EP300: variants seen among roughly 807,000 people sequenced by gnomAD.
EP300 encodes histone acetyltransferase p300.
A neutral mutation model predicts 264.0 loss-of-function variants in EP300; 31 were observed. The observed-to-expected ratio is 0.12, with a 90% CI of 0.09 to 0.16. EP300 has a LOEUF of 0.16. Ranked by LOEUF, EP300 falls within the 10% of genes least tolerant of loss-of-function variation. The probability of loss-of-function intolerance (pLI) is 1.00; values close to 1 mark genes in which losing one functional copy is unlikely to be tolerated. For synonymous variants in EP300, 1,340 were observed against 1,045.4 expected (o/e 1.28, Z -5.44); for missense variants, 2,766 against 3,052.9 (o/e 0.91, Z 2.21).
At chr22:41,104,507 C>T (rs1438414976) in intron 1 of EP300, among the ~76,000 whole-genome samples, 1 of 152,034 alleles carries the variant, frequency 6.6e-6, no homozygotes, top group Non-Finnish European at 1.5e-5. Flanking sequence ...CCAGGCTGAC[C>T]TCGAACTCCT....
intron 2 of EP300, among the ~76,000 whole-genome samples, chr22:41,120,310 C>T (rs900868395): frequency 3.9e-5 from 6 of 152,174 alleles, no homozygotes; most frequent in South Asian, 2.1e-4. Context: ...GTGAGACCCC[C>T]ATCTCTACCA....
chr22:41,104,795 G>A (rs2058749639), intron 1 of EP300, among the ~76,000 whole-genome samples: 1 of 151,254 alleles, frequency 6.6e-6, no homozygotes, highest in African/African-American at 2.4e-5. Context: ...TGAGGCAGGT[G>A]GATTACTTGA....
At chr22:41,139,401 T>C (rs2145724288) in intron 8 of EP300, among the ~76,000 whole-genome samples, 1 of 152,362 alleles carries the variant, frequency 6.6e-6, no homozygotes, top group Middle Eastern at 3.4e-3. Flanking sequence ...TGGACAGAGA[T>C]GATTATTTGG....
intron 10 of EP300, among the ~76,000 whole-genome samples, chr22:41,143,182 G>T (rs2058992599): frequency 6.6e-6 from 1 of 152,194 alleles, no homozygotes; most frequent in African/African-American, 2.4e-5. Flanking sequence ...GGGCATGGTG[G>T]TGGCTCACGC....
At chr22:41,138,028 A>G (rs1357063889) in intron 8 of EP300, among the ~76,000 whole-genome samples, 1 of 152,198 alleles carries the variant, frequency 6.6e-6, no homozygotes, top group Non-Finnish European at 1.5e-5. Flanking sequence ...TATTCTGTCT[A>G]GTGACAGTAA....
At chr22:41,163,934 C>T in intron 21 of EP300, 119 bp from the exon 22 acceptor site, 1 of 944,594 alleles carries the variant, frequency 1.1e-6, no homozygotes, top group Non-Finnish European at 1.7e-6. Flanking sequence ...TTTATTAAAA[C>T]TATTTTCAGT....
chr22:41,166,766 G>T (rs1745616543), intron 23 of EP300, 100 bp downstream of exon 23: 1 of 727,010 alleles, frequency 1.4e-6, no homozygotes, highest in African/African-American at 1.8e-5. Context: ...CACAGTAATA[G>T]AGTAAAAATA....
rs1436689041 is a variant in EP300 at position 41,149,023 on chromosome 22, T to G, written c.2242-15T>G. On this transcript the variant is annotated splice_polypyrimidine_tract_variant and intron_variant, in intron 12 of 30. Transcript: ENST00000263253. Reference sequence around the variant, plus strand: ...ATGAAGCAGTTTGGTGATTTGTGTTTTTTTTTTTTTTCAGCCTATGGGCTA... The same window carrying G: ...ATGAAGCAGTTTGGTGATTTGTGTTGTTTTTTTTTTTCAGCCTATGGGCTA... The G allele has an allele frequency of 1.3e-5, 20 of 1,582,912 alleles. No individual in the cohort carries two copies. The highest frequency in any genetic ancestry group is 5.0e-5 in the Admixed American group (3 of 59,610).
chr22:41,161,542 G>A (rs191312004), intron 20 of EP300, among the ~76,000 whole-genome samples: 1,576 of 152,254 alleles, frequency 0.01, 18 homozygotes, highest in Non-Finnish European at 0.016. Flanking sequence ...GCGTGAACCC[G>A]GGAGGTGGAG....
Position 41,147,866 on chromosome 22 carries a change from G to A in EP300, c.2161G>A (p.Ala721Thr). The A allele has an allele frequency of 6.2e-7, 1 of 1,614,052 alleles. No individual in the cohort carries two copies. The highest frequency in any genetic ancestry group is 8.5e-7 in the Non-Finnish European group (1 of 1,180,000). Residue 721 changes from alanine (A) to threonine (T), a missense_variant, in exon 12 of 31, where the codon GCC becomes ACC. Physicochemically the swap from Ala to Thr is moderately conservative, Grantham distance 58. Coordinates refer to ENST00000263253, the MANE Select transcript of EP300 (RefSeq NM_001429.4). ...GAATCAATTTGGCCAGATGAGCATG[G>A]CCCAGCCCCCTATTGTACCCCGGCA... ...GLNQFGQMSM[A>T]QPPIVPRQTP... is the part of the protein sequence containing the mutation.
At chr22:41,161,255 T>C (rs953701640) in intron 20 of EP300, among the ~76,000 whole-genome samples, 3 of 152,200 alleles carry the variant, frequency 2.0e-5, no homozygotes, top group African/African-American at 7.2e-5. Flanking sequence ...TTGCTTGTGC[T>C]TTGCAGTCTC....
At chr22:41,114,300 G>C (rs1279993710) in intron 1 of EP300, among the ~76,000 whole-genome samples, 1 of 152,138 alleles carries the variant, frequency 6.6e-6, no homozygotes, top group Non-Finnish European at 1.5e-5. Context: ...TCCTTCCTCA[G>C]CCTCCCTAGT....
rs746499882 is a variant in EP300, at chr22:41,178,622, C to T, written c.6911C>T (p.Ser2304Phe). 2 of 1,614,106 alleles carry T rather than the reference C, an allele frequency of 1.2e-6. No homozygotes were observed. Among genetic ancestry groups the T allele is most frequent in the South Asian group, 1.1e-5 (1 of 91,070 alleles). The change falls in exon 31 of 31, where the codon TCC (serine) becomes TTC (phenylalanine). Residue 2304 changes from serine (S) to phenylalanine (F), a missense_variant. Transcript: ENST00000263253. ...LQGQQIPNSL[S>F]NQVRSPQPVP... ...GGCCAGCAGATCCCTAATTCTCTCTCCAATCAAGTGCGCTCTCCCCAGCCT... is the reference window on the plus strand; with the variant it reads ...GGCCAGCAGATCCCTAATTCTCTCTTCAATCAAGTGCGCTCTCCCCAGCCT...
At chr22:41,161,345 T>C (rs917772328) in intron 20 of EP300, among the ~76,000 whole-genome samples, 6 of 152,268 alleles carry the variant, frequency 3.9e-5, no homozygotes, top group South Asian at 4.2e-4. Context: ...TGGCCAGGCG[T>C]GGTGGCTCAT....
chr22:41,103,381 C>T (rs2058742088), intron 1 of EP300, among the ~76,000 whole-genome samples: 1 of 152,082 alleles, frequency 6.6e-6, no homozygotes, highest in African/African-American at 2.4e-5. Flanking sequence ...AATTAAGGTG[C>T]CTTCTGCTGT....
intron 3 of EP300, among the ~76,000 whole-genome samples, chr22:41,126,729 CTTTTTTTTTTTTTT>C (rs71328775): frequency 1.3e-3 from 63 of 48,828 alleles, no homozygotes; most frequent in Admixed American, 3.3e-3. Context: ...GAAATGTTCA[CTTTTTTTTTTTTTT>C]TTTTTTTTTT....
intron 8 of EP300, among the ~76,000 whole-genome samples, chr22:41,138,789 C>T (rs547331500): frequency 6.6e-6 from 1 of 152,270 alleles, no homozygotes; most frequent in South Asian, 2.1e-4. Flanking sequence ...GTCGTCTTTA[C>T]TGTATCCATA....
rs190449161 is a variant in EP300 at position 41,169,067 on chromosome 22, T to C, written c.4172+200T>C. ...ATAACCGCTCAATACTGCTCTTCTG[T>C]GGTCATAGTAATAAAGGATATGAAT... On this transcript the variant is annotated intron_variant, in intron 25 of 30. Coordinates refer to ENST00000263253, the MANE Select transcript of EP300 (RefSeq NM_001429.4). 28 of 706,046 alleles carry C rather than the reference T, an allele frequency of 4.0e-5. No homozygotes were observed. In the East Asian group the frequency reaches 5.7e-4, roughly 14 times the overall value. The allele number at this position is 706,046 out of a possible 1,614,324, so 43.7% of individuals were successfully genotyped here.
At chr22:41,168,941 C>T (rs2145764226) in intron 25 of EP300, 74 bp downstream of exon 25, 10 of 1,595,004 alleles carry the variant, frequency 6.3e-6, no homozygotes, top group Non-Finnish European at 8.6e-6. Context: ...AAAAGCATAA[C>T]AGGCAAGAAA....
Sources: gnomAD v4.1 joint callset for allele counts (sites outside exome capture counted in the v4.1 genomes callset) on GRCh38, gnomAD v4.1.1 for gene constraint, MANE v1.5 for transcripts, NCBI Gene and HGNC (gene_info 2026-07-23, HGNC 2026-07-21) for gene names.